ARHGAP44: variants seen among roughly 807,000 people sequenced by gnomAD.
ARHGAP44 encodes Rho GTPase activating protein 44, also known as rho GTPase-activating protein 44.
A neutral mutation model predicts 106.8 loss-of-function variants in ARHGAP44; 43 were observed. The ratio of observed to expected loss-of-function variants is 0.40; its 90% CI spans 0.32 to 0.52. The LOEUF (loss-of-function observed/expected upper bound fraction) is 0.52. Ranked by LOEUF, ARHGAP44 falls within the 20% of genes least tolerant of loss-of-function variation. ARHGAP44 has a pLI of 0.48. For missense variants in ARHGAP44, 866 were observed against 1,050.5 expected (o/e 0.82, Z 2.43); for synonymous variants, 439 against 410.3 (o/e 1.07, Z -0.85).
intron 1 of ARHGAP44, among the ~76,000 whole-genome samples, chr17:12,875,031 G>T (rs568558911): frequency 2.0e-5 from 3 of 152,052 alleles, no homozygotes; most frequent in African/African-American, 7.2e-5. Flanking sequence ...AACTCAGAGT[G>T]GGTGAGCTCC....
chr17:12,813,578 T>A (rs1263382041), intron 1 of ARHGAP44, among the ~76,000 whole-genome samples: 1 of 152,182 alleles, frequency 6.6e-6, no homozygotes, highest in Non-Finnish European at 1.5e-5. Flanking sequence ...TCACTGTGAC[T>A]TCTATTCAAG....
At chr17:12,814,253 T>C (rs1470392899) in intron 1 of ARHGAP44, among the ~76,000 whole-genome samples, 1 of 147,180 alleles carries the variant, frequency 6.8e-6, no homozygotes, top group Non-Finnish European at 1.5e-5. Flanking sequence ...TTTTTTTTTT[T>C]TTTTTGAGAT....
chr17:12,814,233 G>GTT, intron 1 of ARHGAP44, among the ~76,000 whole-genome samples: 3 of 136,680 alleles, frequency 2.2e-5, no homozygotes, highest in Non-Finnish European at 3.1e-5. Flanking sequence ...TCCCAAACTG[G>GTT]TGTTTTTTTT....
intron 7 of ARHGAP44, among the ~76,000 whole-genome samples, chr17:12,933,543 G>A (rs1358267643): frequency 6.6e-6 from 1 of 152,120 alleles, no homozygotes; most frequent in Non-Finnish European, 1.5e-5. Flanking sequence ...CTTCACAAGT[G>A]GTACTTGCTT....
intron 6 of ARHGAP44, among the ~76,000 whole-genome samples, chr17:12,921,233 A>G (rs1377397168): frequency 6.6e-6 from 1 of 151,912 alleles, no homozygotes; most frequent in Non-Finnish European, 1.5e-5. Flanking sequence ...CGCTCAGCTA[A>G]TTTTTGTATT....
chr17:12,986,895 C>T (rs907354277), intron 20 of ARHGAP44: 7 of 567,662 alleles, frequency 1.2e-5, no homozygotes, highest in African/African-American at 5.6e-5. Context: ...TCGCCCTGTG[C>T]GGACCCTATT....
In ARHGAP44 at chr17:12,974,194, C is replaced by T. The variant is rs1555565954; in HGVS notation, c.1647C>T (p.Pro549=). The T allele has an allele frequency of 1.9e-6, 3 of 1,548,966 alleles. No homozygotes were observed. Among genetic ancestry groups the T allele is most frequent in the African/African-American group, 1.4e-5 (1 of 73,136 alleles). ...CCTCCATGCAGCCTCCCGCCCCGCCCGCCGAGCTGGCTGCGCCCCTGCCTT... is the reference window on the plus strand; with the variant it reads ...CCTCCATGCAGCCTCCCGCCCCGCCTGCCGAGCTGGCTGCGCCCCTGCCTT... ...APPSMQPPAP[P]AELAAPLPSP... Residue 549 remains proline (P), a synonymous_variant, in exon 18 of 21, where the codon CCC becomes CCT. Transcript: ENST00000379672.
chr17:12,914,814 A>AAC (rs1567683997), intron 4 of ARHGAP44, among the ~76,000 whole-genome samples: 3 of 149,390 alleles, frequency 2.0e-5, no homozygotes, highest in Non-Finnish European at 1.5e-5. Context: ...AAAAAAAAAA[A>AAC]CCTCAAAAAA....
intron 16 of ARHGAP44, among the ~76,000 whole-genome samples, chr17:12,968,395 A>C (rs1018068526): frequency 2.6e-5 from 4 of 152,200 alleles, no homozygotes; most frequent in African/African-American, 9.6e-5. Flanking sequence ...TGTAAGCAGG[A>C]AGTGCTGTGA....
At chr17:12,864,048 T>C (rs1005105351) in intron 1 of ARHGAP44, among the ~76,000 whole-genome samples, 13 of 152,192 alleles carry the variant, frequency 8.5e-5, no homozygotes, top group Non-Finnish European at 1.3e-4. Flanking sequence ...AGCATCCATG[T>C]CACCTACCCT....
chr17:12,824,584 A>G (rs1051984846), intron 1 of ARHGAP44, among the ~76,000 whole-genome samples: 6 of 152,046 alleles, frequency 3.9e-5, no homozygotes, highest in African/African-American at 1.4e-4. Flanking sequence ...TCATCATTTG[A>G]TACTCTGGCC....
At chr17:12,897,174 A>C (rs2037231624) in intron 3 of ARHGAP44, among the ~76,000 whole-genome samples, 1 of 152,096 alleles carries the variant, frequency 6.6e-6, no homozygotes, top group South Asian at 2.1e-4. Context: ...TTAGACATTC[A>C]CTTGGCTTTA....
At chr17:12,945,191 G>A (rs1421666188) in intron 10 of ARHGAP44, among the ~76,000 whole-genome samples, 1 of 151,884 alleles carries the variant, frequency 6.6e-6, no homozygotes, top group Non-Finnish European at 1.5e-5. Context: ...TGTATTTTTA[G>A]TAGAGACGAG....
intron 20 of ARHGAP44, chr17:12,985,969 T>C (rs1403052862): frequency 1.3e-5 from 2 of 152,190 alleles, no homozygotes; most frequent in African/African-American, 4.8e-5. Context: ...AATGCACTTT[T>C]CCCTCCACGT....
chr17:12,943,035 A>G (rs1031216446), intron 8 of ARHGAP44, among the ~76,000 whole-genome samples: 2 of 152,252 alleles, frequency 1.3e-5, no homozygotes, highest in African/African-American at 4.8e-5. Context: ...AGTCGTACAT[A>G]TCTCATAAGT....
chr17:12,933,760 G>A (rs1321434304), intron 7 of ARHGAP44, among the ~76,000 whole-genome samples: 1 of 152,080 alleles, frequency 6.6e-6, no homozygotes, highest in Non-Finnish European at 1.5e-5. Flanking sequence ...ACAGGAGACT[G>A]GCTGCAGTCT....
At chr17:12,885,324 G>GGT (rs146415425) in intron 1 of ARHGAP44, among the ~76,000 whole-genome samples, 14,282 of 148,718 alleles carry the variant, frequency 0.096, 743 homozygotes, top group African/African-American at 0.15. Flanking sequence ...TCACAGAGTA[G>GGT]GTGTGTGTGT....
intron 6 of ARHGAP44, among the ~76,000 whole-genome samples, chr17:12,923,497 G>A (rs796692615): frequency 2.0e-5 from 3 of 152,284 alleles, no homozygotes; most frequent in Admixed American, 6.5e-5. Flanking sequence ...GTTTACAGGC[G>A]TGAGCCACTG....
intron 1 of ARHGAP44, among the ~76,000 whole-genome samples, chr17:12,846,654 T>G (rs1327806034): frequency 3.3e-5 from 5 of 152,220 alleles, no homozygotes; most frequent in Non-Finnish European, 7.3e-5. Flanking sequence ...TTTCACAGTG[T>G]TTTTGGTTAT....
Sources: allele counts gnomAD v4.1 joint callset (sites outside exome capture counted in the v4.1 genomes callset), GRCh38; gene constraint gnomAD v4.1.1; transcripts MANE v1.5; gene names NCBI Gene and HGNC (gene_info 2026-07-23, HGNC 2026-07-21).